Variants in SRD5A3 observed in about 807,000 individuals in gnomAD.
SRD5A3 encodes the protein polyprenal reductase.
SRD5A3 carries 24 observed loss-of-function variants against 34.3 expected under a neutral mutation model. The ratio of observed to expected loss-of-function variants is 0.70; its 90% CI spans 0.51 to 0.99. SRD5A3 has a LOEUF of 0.99. SRD5A3 is among the 50% of genes least tolerant of loss of function. The pLI is 0.00. For synonymous variants in SRD5A3, 161 were observed against 167.3 expected (o/e 0.96, Z 0.29); for missense variants, 350 against 388.2 (o/e 0.90, Z 0.83).
intron 1 of SRD5A3, among the ~76,000 whole-genome samples, chr4:55,354,130 T>A (rs1053431915): frequency 6.6e-6 from 1 of 152,300 alleles, no homozygotes; most frequent in East Asian, 1.9e-4. Flanking sequence ...GGAGTCTTGC[T>A]CTGTTGCCCA....
intron 2 of SRD5A3, 93 bp downstream of exon 2, chr4:55,359,581 C>T (rs551410799): frequency 3.0e-5 from 46 of 1,538,608 alleles, no homozygotes; most frequent in African/African-American, 2.7e-4. Context: ...TCTCCTCTCT[C>T]GGCACCTCCT....
Position 55,367,649 on chromosome 4 carries a change from G to A in SRD5A3, c.624G>A (p.Met208Ile). The change falls in exon 4 of 5, where the codon ATG becomes ATA. Residue 208 changes from methionine to isoleucine, a missense_variant. Physicochemically the swap from Met to Ile is conservative, Grantham distance 10 (BLOSUM62 1). This residue lies in a region of SRD5A3 where 186 missense variants were observed against 221.4 expected (regional missense o/e 0.84). Transcript: ENST00000264228. ...GGTGGTTCCATATTCTTGGGATGATGATGTTCATCTGGTCATCTGCCCATC... is the reference window on the plus strand; with the variant it reads ...GGTGGTTCCATATTCTTGGGATGATAATGTTCATCTGGTCATCTGCCCATC... Reference protein sequence around the residue: ...QARWFHILGMMMFIWSSAHQY... With the variant: ...QARWFHILGMIMFIWSSAHQY... 1 of 1,614,124 alleles carries A rather than the reference G, an allele frequency of 6.2e-7. No homozygotes were observed. The highest frequency in any genetic ancestry group is 8.5e-7 in the Non-Finnish European group (1 of 1,180,008).
At chr4:55,361,675 G>A (rs751490298) in intron 2 of SRD5A3, among the ~76,000 whole-genome samples, 3 of 151,828 alleles carry the variant, frequency 2.0e-5, no homozygotes, top group African/African-American at 4.8e-5. Context: ...GTGGTGGCGC[G>A]TGCCTGTAAT....
intron 1 of SRD5A3, among the ~76,000 whole-genome samples, chr4:55,357,197 T>C (rs1578205322): frequency 6.6e-6 from 1 of 152,200 alleles, no homozygotes; most frequent in South Asian, 2.1e-4. Flanking sequence ...GGTTTAGTTG[T>C]TGACCGTCTG....
rs140666391 is a variant in SRD5A3, at chr4:55,369,708, A to G, written c.698-124A>G. ...ACTGCACGACTGCACTCCAGCCTGGACAACAGAGCAAGACTTTGCCTCAAA... is the reference window on the plus strand; with the variant it reads ...ACTGCACGACTGCACTCCAGCCTGGGCAACAGAGCAAGACTTTGCCTCAAA... On this transcript the variant is annotated intron_variant, in intron 4 of 4. Coordinates refer to ENST00000264228, the MANE Select transcript of SRD5A3 (RefSeq NM_024592.5). The G allele has an allele frequency of 2.7e-5, 31 of 1,165,618 alleles. No homozygotes were observed. In the African/African-American group the frequency reaches 4.2e-4, roughly 16 times the overall value. The allele number at this position is 1,165,618 out of a possible 1,614,324, so 72.2% of individuals were successfully genotyped here.
intron 3 of SRD5A3, among the ~76,000 whole-genome samples, chr4:55,365,228 G>C (rs1719842952): frequency 6.6e-6 from 1 of 152,144 alleles, no homozygotes; most frequent in Non-Finnish European, 1.5e-5. Flanking sequence ...TGTAAACTCA[G>C]GCTGAGGTCT....
In SRD5A3 at chr4:55,346,502, A is replaced by G. The variant is rs1426820359; in HGVS notation, c.166A>G (p.Lys56Glu). The G allele has an allele frequency of 6.2e-7, 1 of 1,602,674 alleles. No individual in the cohort carries two copies. The highest frequency in any genetic ancestry group is 1.4e-5 in the African/African-American group (1 of 73,624). Residue 56 changes from lysine to glutamate, a missense_variant, in exon 1 of 5, where the codon AAG becomes GAG. Coordinates refer to ENST00000264228, the MANE Select transcript of SRD5A3 (RefSeq NM_024592.5). ...FQDLIRYGKT[K>E]CGEPSRPAAC... Reference sequence around the variant, plus strand: ...GGACCTGATCCGCTATGGGAAAACCAAGTGTGGGGAGCCGTCGCGCCCCGC... The same window carrying G: ...GGACCTGATCCGCTATGGGAAAACCGAGTGTGGGGAGCCGTCGCGCCCCGC...
Position 55,346,556 on chromosome 4 carries a change from AG to A in SRD5A3, c.221+1del. 6.3e-7 allele frequency: 1 copy of A among 1,581,824 alleles called. No individual in the cohort carries two copies. The highest frequency in any genetic ancestry group is 2.4e-5 in the East Asian group (1 of 41,084). On this transcript the variant is annotated frameshift_variant and splice_region_variant, in exon 1 of 5. Coordinates refer to ENST00000264228, the MANE Select transcript of SRD5A3 (RefSeq NM_024592.5). LOFTEE classifies it high-confidence loss of function. Reference sequence around the variant, plus strand: ...CTGCCGAGCCTTTGATGTCCCCAAGAGGTAACCGCGCCCCGGTCCCGAGCCG... The same window carrying A: ...CTGCCGAGCCTTTGATGTCCCCAAGAGTAACCGCGCCCCGGTCCCGAGCCG... ...AACRAFDVPK[R>X]YFSHFYIISV... is the part of the protein sequence containing the mutation.
At position 55,370,204 on chromosome 4, in the gene SRD5A3, C is replaced by T; in HGVS notation, c.*113C>T. 1 of 1,399,806 alleles carries T rather than the reference C, an allele frequency of 7.1e-7. No homozygotes were observed. 86.7% of individuals were successfully genotyped at this position (1,399,806 alleles called of 1,614,324 possible). On this transcript the variant is annotated 3_prime_UTR_variant, in exon 5 of 5. Transcript: ENST00000264228. ...CAAAGCTGTTTGAAACTCTCCATTC[C>T]ATTTCTATACCCCACAAGTTTTCAC... is the stretch of plus-strand genomic sequence containing the variant.
intron 1 of SRD5A3, among the ~76,000 whole-genome samples, chr4:55,347,636 ATTTT>A (rs1274123363): frequency 6.6e-6 from 1 of 152,204 alleles, no homozygotes; most frequent in Admixed American, 6.5e-5. Flanking sequence ...TTTAAAAAAA[ATTTT>A]TTTTTAAAGG....
At chr4:55,347,696 C>T (rs147888327) in intron 1 of SRD5A3, among the ~76,000 whole-genome samples, 1 of 152,184 alleles carries the variant, frequency 6.6e-6, no homozygotes, top group East Asian at 1.9e-4. Context: ...AGGCAGTGCC[C>T]CAGGTCCGCA....
chr4:55,370,451 AC>A lies in SRD5A3; in HGVS notation c.*361del. 3.2e-6 allele frequency: 1 copy of A among 309,472 alleles called. No individual in the cohort carries two copies. Among genetic ancestry groups the A allele is most frequent in the Non-Finnish European group, 6.1e-6 (1 of 165,174 alleles). The allele number at this position is 309,472 out of a possible 1,614,324, so 19.2% of individuals were successfully genotyped here. ...CAGCTTCACACACACACACACACAC[AC>A]ACACACACACACACACACACAAAGG... On this transcript the variant is annotated 3_prime_UTR_variant, in exon 5 of 5. Transcript: ENST00000264228.
At chr4:55,347,639 T>A (rs1001988506) in intron 1 of SRD5A3, among the ~76,000 whole-genome samples, 1 of 152,036 alleles carries the variant, frequency 6.6e-6, no homozygotes, top group African/African-American at 2.4e-5. Flanking sequence ...AAAAAAAATT[T>A]TTTTTTAAAG....
intron 3 of SRD5A3, among the ~76,000 whole-genome samples, chr4:55,365,099 A>G (rs1464908588): frequency 6.6e-6 from 1 of 152,200 alleles, no homozygotes; most frequent in East Asian, 1.9e-4. Flanking sequence ...ATGAGTTTAT[A>G]GTGCTGAGGT....
intron 1 of SRD5A3, chr4:55,352,289 G>A (rs1719224428): frequency 5.0e-6 from 4 of 807,186 alleles, no homozygotes; most frequent in South Asian, 1.3e-5. Flanking sequence ...TTAACACGCT[G>A]GGATCCTTCT....
rs1315853001 is a variant in SRD5A3, at chr4:55,372,039, C to T, written c.*1948C>T. 1.3e-5 allele frequency: 2 copies of T among 152,186 alleles called. No individual in the cohort carries two copies. Among genetic ancestry groups the T allele is most frequent in the South Asian group, 2.1e-4 (1 of 4,836 alleles). 9.4% of individuals were successfully genotyped at this position (152,186 alleles called of 1,614,324 possible). A position where few individuals can be genotyped will look rare whatever the true frequency, so the allele number is the denominator to read the frequency against. Reference sequence around the variant, plus strand: ...TCAACCAAACACCACTTAAGATTAACCTGTGGCTCAGTCTACTTAAATAAA... The same window carrying T: ...TCAACCAAACACCACTTAAGATTAATCTGTGGCTCAGTCTACTTAAATAAA... On this transcript the variant is annotated 3_prime_UTR_variant, in exon 5 of 5. Coordinates refer to ENST00000264228, the MANE Select transcript of SRD5A3 (RefSeq NM_024592.5).
intron 3 of SRD5A3, chr4:55,366,621 A>C (rs1007297569): frequency 2.6e-5 from 4 of 152,258 alleles, no homozygotes; most frequent in Non-Finnish European, 5.9e-5. Context: ...TCAGTCCTTT[A>C]CTATCATTAA....
chr4:55,366,815 G>A (rs1402563821), intron 3 of SRD5A3: 1 of 152,372 alleles, frequency 6.6e-6, no homozygotes, highest in Non-Finnish European at 1.5e-5. Flanking sequence ...GCAGAGGGAA[G>A]TCCCTGTTTG....
Position 55,370,243 on chromosome 4 carries a change from C to T in SRD5A3, c.*152C>T. ...ACAAGTTTTCACTGAATGAGCATGGCAGTGCCACTCAAGAAAATGAATCTC... is the reference window on the plus strand; with the variant it reads ...ACAAGTTTTCACTGAATGAGCATGGTAGTGCCACTCAAGAAAATGAATCTC... On this transcript the variant is annotated 3_prime_UTR_variant, in exon 5 of 5. Transcript: ENST00000264228. 1.1e-6 allele frequency: 1 copy of T among 950,290 alleles called. No homozygotes were observed. The highest frequency in any genetic ancestry group is 1.6e-6 in the Non-Finnish European group (1 of 621,304). The allele number at this position is 950,290 out of a possible 1,614,324, so 58.9% of individuals were successfully genotyped here.
Sources: allele counts gnomAD v4.1 joint callset (sites outside exome capture counted in the v4.1 genomes callset), GRCh38; gene constraint gnomAD v4.1.1; regional missense constraint gnomAD v4.1.1; transcripts MANE v1.5; gene names NCBI Gene and HGNC (gene_info 2026-07-23, HGNC 2026-07-21).